The following DMD variants were observed in gnomAD, a reference collection of about 807,000 sequenced individuals.
DMD encodes dystrophin.
Under a neutral mutation model 330.1 loss-of-function variants are expected in DMD, and 63 were observed. That is an observed-to-expected ratio of 0.19 (90% CI 0.16 to 0.24). The LOEUF (loss-of-function observed/expected upper bound fraction) is 0.24, where lower values mean the gene tolerates loss of function less well. Ranked by LOEUF, DMD falls within the 10% of genes least tolerant of loss-of-function variation. The probability of loss-of-function intolerance (pLI) is 1.00; values close to 1 mark genes in which losing one functional copy is unlikely to be tolerated. For missense variants in DMD, 3,344 were observed against 2,684.1 expected (o/e 1.25, Z -5.43); for synonymous variants, 1,223 against 959.8 (o/e 1.27, Z -5.07).
chrX:32,533,003 C>A (rs1317559181), intron 17 of DMD, among the ~76,000 whole-genome samples: 1 of 111,958 alleles, frequency 8.9e-6, no homozygotes, highest in East Asian at 2.8e-4. Flanking sequence ...TTGTTTATGG[C>A]TGCTTTCTAG....
chrX:31,971,695 G>C (rs1209618298), intron 44 of DMD, among the ~76,000 whole-genome samples: 1 of 111,521 alleles, frequency 9.0e-6, no homozygotes, highest in Non-Finnish European at 1.9e-5. Context: ...ATAACACTGG[G>C]TTTACAAAAT....
At chrX:31,241,446 T>C (rs1381721690) in intron 63 of DMD, among the ~76,000 whole-genome samples, 1 of 112,008 alleles carries the variant, frequency 8.9e-6, no homozygotes, top group Non-Finnish European at 1.9e-5. Flanking sequence ...CCACCAAAAA[T>C]AAATTTTTCT....
intron 20 of DMD, among the ~76,000 whole-genome samples, chrX:32,485,481 GCTCA>G (rs917254857): frequency 1.8e-5 from 2 of 110,099 alleles, no homozygotes; most frequent in African/African-American, 6.6e-5. Flanking sequence ...CAAATTTTAA[GCTCA>G]CTCAATGAAC....
intron 44 of DMD, among the ~76,000 whole-genome samples, chrX:32,059,714 G>T (rs970224317): frequency 9.0e-5 from 10 of 111,329 alleles, no homozygotes; most frequent in African/African-American, 3.3e-4. Context: ...AGCATGCACA[G>T]GGATAAAACA....
intron 12 of DMD, among the ~76,000 whole-genome samples, chrX:32,609,781 G>A (rs2057017823): frequency 9.0e-6 from 1 of 110,908 alleles, no homozygotes; most frequent in Non-Finnish European, 1.9e-5. Context: ...ACTGAAGTCA[G>A]AATATAGAGT....
intron 2 of DMD, among the ~76,000 whole-genome samples, chrX:32,867,999 G>A (rs937384362): frequency 6.3e-5 from 7 of 110,255 alleles, no homozygotes; most frequent in Non-Finnish European, 1.1e-4. Flanking sequence ...AACCAAAACC[G>A]TGAGTGAATC....
rs1359656451 is a variant in DMD, at chrX:32,895,872, T to TGTGTGTA, written c.94-46053_94-46052insTACACAC. 7.4e-4 allele frequency among the ~76,000 whole-genome samples: 72 copies of TGTGTGTA among 97,382 alleles called. 1 individual carries two copies. The highest frequency in any genetic ancestry group is 2.5e-3 in the African/African-American group (68 of 26,848). 84.6% of individuals were successfully genotyped at this position (97,382 alleles called of 115,157 possible). ...GTGTGTGTGTGTGTGTGTGTGTGTGTGTGTAGTGTAGTGTAAATAAGCAAC... is the reference window on the plus strand; with the variant it reads ...GTGTGTGTGTGTGTGTGTGTGTGTGTGTGTGTAGTGTAGTGTAGTGTAAATAAGCAAC... On this transcript the variant is annotated intron_variant, in intron 2 of 78. Coordinates refer to ENST00000357033, the MANE Select transcript of DMD (RefSeq NM_004006.3).
intron 1 of DMD, among the ~76,000 whole-genome samples, chrX:33,337,398 C>T (rs1476681614): frequency 1.8e-5 from 2 of 111,476 alleles, no homozygotes; most frequent in Non-Finnish European, 3.8e-5. Context: ...AACCCTGTAG[C>T]ATTTGGATGC....
At chrX:32,430,975 G>C (rs374140066) in intron 29 of DMD, among the ~76,000 whole-genome samples, 2 of 111,882 alleles carry the variant, frequency 1.8e-5, no homozygotes, top group Non-Finnish European at 3.8e-5. Context: ...TGGACATTTA[G>C]GTTGTCTCTA....
chrX:32,759,138 A>G (rs2071900040), intron 7 of DMD, among the ~76,000 whole-genome samples: 1 of 112,058 alleles, frequency 8.9e-6, no homozygotes. Context: ...TACAGCATTC[A>G]TACACTATAA....
intron 13 of DMD, among the ~76,000 whole-genome samples, chrX:32,582,360 C>A (rs772655881): frequency 1.8e-5 from 2 of 110,912 alleles, no homozygotes; most frequent in South Asian, 7.5e-4. Context: ...TATATCAGCA[C>A]AAATAGAAAA....
intron 2 of DMD, among the ~76,000 whole-genome samples, chrX:32,886,841 TCTATAATAAC>T: frequency 8.9e-6 from 1 of 111,912 alleles, no homozygotes; most frequent in South Asian, 3.7e-4. Flanking sequence ...TTAAAGTGTG[TCTATAATAAC>T]CTAAAATCAC....
chrX:32,461,427 T>C (rs1209139002), intron 25 of DMD, among the ~76,000 whole-genome samples: 4 of 111,370 alleles, frequency 3.6e-5, no homozygotes, highest in Non-Finnish European at 7.5e-5. Flanking sequence ...CAGATACATA[T>C]AATATTCTAA....
At chrX:33,265,604 C>T (rs1169454715) in intron 1 of DMD, among the ~76,000 whole-genome samples, 1 of 110,857 alleles carries the variant, frequency 9.0e-6, no homozygotes, top group Non-Finnish European at 1.9e-5. Flanking sequence ...TTCCAATATC[C>T]CATTCTATGA....
In DMD at chrX:32,554,856, G is replaced by A. The variant is rs1603636223; in HGVS notation, c.1993-9522C>T. ...GGAGAGAGAGAGAGAGAGAGAGAGA[G>A]AGAGAGAGAGAGAGAAGGAAAGAAG... is the stretch of plus-strand genomic sequence containing the variant. On this transcript the variant is annotated intron_variant, in intron 16 of 78. Coordinates refer to ENST00000357033, the MANE Select transcript of DMD (RefSeq NM_004006.3). 1.3e-4 allele frequency among the ~76,000 whole-genome samples: 9 copies of A among 68,042 alleles called. 1 individual carries two copies. The highest frequency in any genetic ancestry group is 2.2e-4 in the Non-Finnish European group (7 of 31,744). 59.1% of individuals were successfully genotyped at this position (68,042 alleles called of 115,157 possible). A position where few individuals can be genotyped will look rare whatever the true frequency, so the allele number is the denominator to read the frequency against.
At chrX:31,202,000 C>T (rs2043526198) in intron 67 of DMD, among the ~76,000 whole-genome samples, 1 of 110,853 alleles carries the variant, frequency 9.0e-6, no homozygotes, top group Non-Finnish European at 1.9e-5. Context: ...TGAGCTCAGC[C>T]TGGCCAACAT....
rs1187516846 is a variant in DMD, at chrX:31,611,380, GTGTT to G, written c.8217+16289_8217+16292del. Among the ~76,000 whole-genome samples the G allele has an allele frequency of 9.9e-5, 11 of 111,231 alleles. No homozygotes were observed. The East Asian group carries it at 2.8e-3, about 29-fold the overall frequency. ...GACTTCCCCAGGATTACAGAGGCTA[GTGTT>G]TAGGAACAGGACCCTAACTTCTTGA... On this transcript the variant is annotated intron_variant, in intron 55 of 78. Coordinates refer to ENST00000357033, the MANE Select transcript of DMD (RefSeq NM_004006.3).
chrX:31,382,068 G>A (rs1018346557), intron 60 of DMD, among the ~76,000 whole-genome samples: 2 of 111,242 alleles, frequency 1.8e-5, no homozygotes, highest in African/African-American at 3.3e-5. Flanking sequence ...CCTCTATACG[G>A]TCCTATAACA....
chrX:31,876,676 C>T (rs1031398562), intron 47 of DMD, among the ~76,000 whole-genome samples: 1 of 106,563 alleles, frequency 9.4e-6, no homozygotes, highest in Admixed American at 1.0e-4. Context: ...CATAGCAACA[C>T]TCCCATCTCT....
Sources: gnomAD v4.1 joint callset for allele counts (sites outside exome capture counted in the v4.1 genomes callset) on GRCh38, gnomAD v4.1.1 for gene constraint, MANE v1.5 for transcripts, NCBI Gene and HGNC (gene_info 2026-07-23, HGNC 2026-07-21) for gene names.